The following GLUD1 variants were observed in gnomAD, a reference collection of about 807,000 sequenced individuals.
GLUD1 encodes glutamate dehydrogenase 1, mitochondrial.
A neutral mutation model predicts 56.0 loss-of-function variants in GLUD1; 22 were observed. The observed-to-expected ratio is 0.39, with a 90% confidence interval of 0.28 to 0.56. GLUD1 has a LOEUF of 0.56. Among genes scored for constraint, GLUD1 ranks in the 20% least tolerant of loss-of-function variants. GLUD1 has a pLI of 0.58. For synonymous variants in GLUD1, 223 were observed against 269.9 expected (o/e 0.83, Z 1.70); for missense variants, 451 against 732.0 (o/e 0.62, Z 4.43).
chr10:87,086,651 G>A (rs1341511436), intron 1 of GLUD1, among the ~76,000 whole-genome samples: 8 of 149,688 alleles, frequency 5.3e-5, no homozygotes, highest in African/African-American at 4.9e-5. Flanking sequence ...GTGAAACCCC[G>A]TCTCCACTAA....
intron 1 of GLUD1, among the ~76,000 whole-genome samples, chr10:87,089,169 A>G (rs1841455623): frequency 6.6e-6 from 1 of 152,242 alleles, no homozygotes; most frequent in African/African-American, 2.4e-5. Context: ...CCAAAGTATT[A>G]GGAAGCATTG....
chr10:87,067,973 G>C (rs988370844), intron 5 of GLUD1, 90 bp downstream of exon 5: 5 of 769,682 alleles, frequency 6.5e-6, no homozygotes, highest in Non-Finnish European at 9.3e-6. Flanking sequence ...GAAAAACCCA[G>C]GGATTCTCAA....
In GLUD1 at chr10:87,080,629, G is replaced by A. The variant is rs376884258; in HGVS notation, c.446-3973C>T. ...GTGAGGAGCGCCTCTGCCCGGCCGC[G>A]ACCCCGTCTGGGAGGTGAGGAGCGT... On this transcript the variant is annotated intron_variant, in intron 1 of 12. Transcript: ENST00000277865. 5.1e-3 allele frequency among the ~76,000 whole-genome samples: 620 copies of A among 121,286 alleles called. 3 individuals carry two copies. Among genetic ancestry groups the A allele is most frequent in the African/African-American group, 0.017 (529 of 31,506 alleles). 79.6% of individuals were successfully genotyped at this position (121,286 alleles called of 152,430 possible).
At chr10:87,080,769 C>T (rs1286687999) in intron 1 of GLUD1, among the ~76,000 whole-genome samples, 2 of 151,244 alleles carry the variant, frequency 1.3e-5, no homozygotes, top group Non-Finnish European at 3.0e-5. Flanking sequence ...GAGTGAGGAG[C>T]CCCTCCGCCT....
At chr10:87,066,685 A>G (rs1220210097) in intron 5 of GLUD1, among the ~76,000 whole-genome samples, 1 of 152,230 alleles carries the variant, frequency 6.6e-6, no homozygotes, top group African/African-American at 2.4e-5. Flanking sequence ...AAAGGACTGG[A>G]TGGGCCTGTG....
At chr10:87,080,996 G>T (rs565363987) in intron 1 of GLUD1, among the ~76,000 whole-genome samples, 8 of 137,744 alleles carry the variant, frequency 5.8e-5, no homozygotes, top group Admixed American at 1.4e-4. Flanking sequence ...CGCCCGGCCA[G>T]CCGCCCCGTC....
At chr10:87,053,920 C>T (rs1037590410) in intron 11 of GLUD1, among the ~76,000 whole-genome samples, 2 of 89,436 alleles carry the variant, frequency 2.2e-5, no homozygotes, top group East Asian at 3.2e-4. Context: ...ATCTCAGCAG[C>T]GTTTTAATTT....
intron 11 of GLUD1, among the ~76,000 whole-genome samples, chr10:87,054,240 C>G (rs1299946658): frequency 6.6e-6 from 1 of 152,140 alleles, no homozygotes; most frequent in African/African-American, 2.4e-5. Context: ...AAATTCTGTT[C>G]TCACAGACTT....
In GLUD1 at chr10:87,057,677, G is replaced by T; in HGVS notation, c.1494+14C>A. Reference sequence around the variant, plus strand: ...AGCATGTGTGAAGTACAACTGTGGGGTCACCACACTCACCGATATCCTGTC... The same window carrying T: ...AGCATGTGTGAAGTACAACTGTGGGTTCACCACACTCACCGATATCCTGTC... On this transcript the variant is annotated intron_variant, in intron 11 of 12. Transcript: ENST00000277865. 2 of 1,349,428 alleles carry T rather than the reference G, an allele frequency of 1.5e-6. No individual in the cohort carries two copies. The highest frequency in any genetic ancestry group is 2.1e-6 in the Non-Finnish European group (2 of 938,362). The allele number at this position is 1,349,428 out of a possible 1,614,324, so 83.6% of individuals were successfully genotyped here. A position where few individuals can be genotyped will look rare whatever the true frequency, so the allele number is the denominator to read the frequency against.
intron 11 of GLUD1, among the ~76,000 whole-genome samples, chr10:87,056,645 T>C (rs1845783737): frequency 1.3e-5 from 2 of 152,140 alleles, no homozygotes; most frequent in African/African-American, 2.4e-5. Context: ...CCTCCTCTTT[T>C]GAATTATTTT....
In GLUD1 at chr10:87,094,402, C is replaced by A; in HGVS notation, c.368G>T (p.Arg123Leu). 6.2e-7 allele frequency: 1 copy of A among 1,613,496 alleles called. No homozygotes were observed. Among genetic ancestry groups the A allele is most frequent in the Non-Finnish European group, 8.5e-7 (1 of 1,179,908 alleles). ...GACCTCCCAGGAGCCGTCGTCGCGC[C>A]GGATGGGGAAGGAGAGACTCAGCAC... Reference protein sequence around the residue: ...NHVLSLSFPIRRDDGSWEVIE... With the variant: ...NHVLSLSFPILRDDGSWEVIE... Residue 123 changes from arginine to leucine, a missense_variant, in exon 1 of 13, where the codon CGG becomes CTG. Coordinates refer to ENST00000277865, the MANE Select transcript of GLUD1 (RefSeq NM_005271.5). The surrounding 1 kb of genome is among the most constrained non-coding windows in gnomAD (Gnocchi z 6.6).
At chr10:87,092,000 C>A (rs1297137801) in intron 1 of GLUD1, among the ~76,000 whole-genome samples, 1 of 152,010 alleles carries the variant, frequency 6.6e-6, no homozygotes, top group African/African-American at 2.4e-5. Context: ...ATCTCAATCA[C>A]CTAATATATT....
chr10:87,091,888 G>A (rs183170188), intron 1 of GLUD1, among the ~76,000 whole-genome samples: 2 of 152,114 alleles, frequency 1.3e-5, no homozygotes, highest in African/African-American at 4.8e-5. Flanking sequence ...GAACCAATGG[G>A]AGAGAAGACA....
At chr10:87,078,974 A>G (rs1373725099) in intron 1 of GLUD1, among the ~76,000 whole-genome samples, 1 of 147,984 alleles carries the variant, frequency 6.8e-6, no homozygotes, top group Non-Finnish European at 1.5e-5. Context: ...CCTCATTTCT[A>G]CAACAACAAC....
chr10:87,062,819 G>A lies in GLUD1; in HGVS notation c.758C>T (p.Ala253Val). The change falls in exon 6 of 13, where the codon GCC becomes GTC. Residue 253 changes from alanine (A) to valine (V), a missense_variant. This residue lies in a region of GLUD1 where 248 missense variants were observed against 460.0 expected (regional missense o/e 0.54). Transcript: ENST00000277865. ...GCTGATGGGTTTACCAGTAACACAG[G>A]CGTGTGCATTAATATCCTGTAAGAG... is the stretch of plus-strand genomic sequence containing the variant. ...TIGHYDINAH[A>V]CVTGKPISQG... 6.2e-7 allele frequency: 1 copy of A among 1,614,058 alleles called. No individual in the cohort carries two copies. Among genetic ancestry groups the A allele is most frequent in the Non-Finnish European group, 8.5e-7 (1 of 1,179,944 alleles).
At chr10:87,060,360 A>C in intron 8 of GLUD1, 119 bp from the exon 9 acceptor site, 8 of 807,284 alleles carry the variant, frequency 9.9e-6, no homozygotes, top group Non-Finnish European at 1.6e-5. Context: ...GTTTCAGTTA[A>C]AGTTAAATAG....
In GLUD1 at chr10:87,094,702, G is replaced by A; in HGVS notation, c.68C>T (p.Ser23Phe). The stretch of plus-strand genomic sequence containing the variant: ...GCCCAGCAACGCGGCCGAGTCGGCG[G>A]ACGCCGAGCCCAGGGCAGCGGGCCC... ...RAGPAALGSASADSAALLGWA... is the reference protein window; with the variant it reads ...RAGPAALGSAFADSAALLGWA... The change falls in exon 1 of 13, where the codon TCC (serine) becomes TTC (phenylalanine). Residue 23 changes from serine (S) to phenylalanine (F), a missense_variant. Ser to Phe is a radical substitution (Grantham distance 155, BLOSUM62 -2). Coordinates refer to ENST00000277865, the MANE Select transcript of GLUD1 (RefSeq NM_005271.5). This position sits in a 1 kb window ranked among gnomAD's most constrained non-coding sequence, Gnocchi z 6.6. 6 of 1,498,916 alleles carry A rather than the reference G, an allele frequency of 4.0e-6. No individual in the cohort carries two copies. The highest frequency in any genetic ancestry group is 1.5e-5 in the African/African-American group (1 of 68,400). The allele number at this position is 1,498,916 out of a possible 1,614,324, so 92.9% of individuals were successfully genotyped here.
chr10:87,083,553 T>C (rs1233728928), intron 1 of GLUD1, among the ~76,000 whole-genome samples: 1 of 152,160 alleles, frequency 6.6e-6, no homozygotes, highest in Non-Finnish European at 1.5e-5. Flanking sequence ...ACCAAGCCTT[T>C]CCTCCTTCAG....
chr10:87,060,347 A>G (rs938548581), intron 8 of GLUD1, 106 bp from the exon 9 acceptor site: 1 of 833,996 alleles, frequency 1.2e-6, no homozygotes, highest in African/African-American at 1.7e-5. Flanking sequence ...GGGGAGAAGC[A>G]CAGTTTCAGT....
Sources: gnomAD v4.1 joint callset for allele counts (sites outside exome capture counted in the v4.1 genomes callset) on GRCh38, gnomAD v4.1.1 for gene constraint, gnomAD v4.1.1 regional missense constraint, Gnocchi (gnomAD v3.1) non-coding constraint, MANE v1.5 for transcripts, NCBI Gene and HGNC (gene_info 2026-07-23, HGNC 2026-07-21) for gene names.